The following PEAK1 variants were observed in gnomAD, a reference collection of about 807,000 sequenced individuals.
PEAK1 encodes pseudopodium enriched atypical kinase 1, also known as inactive tyrosine-protein kinase PEAK1.
Under a neutral mutation model 124.7 loss-of-function variants are expected in PEAK1, and 54 were observed. The ratio of observed to expected loss-of-function variants is 0.43; its 90% CI spans 0.35 to 0.54. PEAK1 has a LOEUF of 0.54. Ranked by LOEUF, PEAK1 falls within the 20% of genes least tolerant of loss-of-function variation. The probability of loss-of-function intolerance (pLI) is 0.01; values close to 1 mark genes in which losing one functional copy is unlikely to be tolerated. For synonymous variants in PEAK1, 719 were observed against 760.0 expected, an observed-to-expected ratio of 0.95 and a Z score of 0.89; for missense variants, 2,046 against 2,134.5, an observed-to-expected ratio of 0.96 and a Z score of 0.82.
chr15:77,282,387 T>C (rs1406353501), intron 5 of PEAK1, among the ~76,000 whole-genome samples: 1 of 152,226 alleles, frequency 6.6e-6, no homozygotes, highest in East Asian at 1.9e-4. Flanking sequence ...AACGAATTTG[T>C]CAACATGACT....
intron 9 of PEAK1, among the ~76,000 whole-genome samples, chr15:77,131,995 T>A (rs1363000965): frequency 2.0e-5 from 3 of 151,822 alleles, no homozygotes; most frequent in African/African-American, 4.8e-5. Flanking sequence ...CACTCCAGCC[T>A]AAAAAAAAGA....
chr15:77,139,410 T>C (rs989645603), intron 8 of PEAK1, among the ~76,000 whole-genome samples: 4 of 152,226 alleles, frequency 2.6e-5, no homozygotes, highest in African/African-American at 9.6e-5. Context: ...CCAAGTATTA[T>C]GTACTATACA....
At chr15:77,302,849 ATATCT>A (rs2063862121) in intron 2 of PEAK1, among the ~76,000 whole-genome samples, 1 of 152,176 alleles carries the variant, frequency 6.6e-6, no homozygotes, top group Admixed American at 6.5e-5. Flanking sequence ...CAAATGCTTA[ATATCT>A]TATATTCATC....
intron 9 of PEAK1, among the ~76,000 whole-genome samples, chr15:77,117,552 G>A (rs77952682): frequency 0.19 from 28,971 of 152,158 alleles, 3,413 homozygotes; most frequent in Non-Finnish European, 0.25. Context: ...CAGAAAAATA[G>A]ATCTTTATTT....
chr15:77,367,102 C>A lies in PEAK1; in HGVS notation c.-665-1877G>T, dbSNP rs540140544. 2.1e-4 allele frequency among the ~76,000 whole-genome samples: 32 copies of A among 152,282 alleles called. No individual in the cohort carries two copies. The East Asian group carries it at 6.2e-3, about 29-fold the overall frequency. ...TGAGCCGAGATCATGCCACTGTACT[C>A]CAGCCTGGCGACCGGGCGAGACTCC... On this transcript the variant is annotated intron_variant, in intron 1 of 9. Transcript: ENST00000682557.
At chr15:77,259,028 T>C (rs2061311434) in intron 5 of PEAK1, among the ~76,000 whole-genome samples, 2 of 152,214 alleles carry the variant, frequency 1.3e-5, no homozygotes, top group Admixed American at 1.3e-4. Flanking sequence ...TGGATTACAT[T>C]TATTGATTTG....
intron 2 of PEAK1, among the ~76,000 whole-genome samples, chr15:77,314,218 T>C (rs912940950): frequency 1.3e-5 from 2 of 152,080 alleles, no homozygotes; most frequent in African/African-American, 4.8e-5. Context: ...TGATAAAATG[T>C]AAATTTGTTG....
intron 2 of PEAK1, chr15:77,337,141 G>T: frequency 1.0e-6 from 1 of 985,144 alleles, no homozygotes; most frequent in Non-Finnish European, 1.2e-6. Flanking sequence ...ACAGTAAGAA[G>T]CATCATTATA....
At chr15:77,139,864 G>A (rs1186888855) in intron 8 of PEAK1, among the ~76,000 whole-genome samples, 2 of 151,834 alleles carry the variant, frequency 1.3e-5, no homozygotes, top group Non-Finnish European at 2.9e-5. Context: ...GAGGGAGGGA[G>A]GGGGAGAGAG....
rs960172583 is a variant in PEAK1 at position 77,110,845 on chromosome 15, T to C, written c.*3311A>G. Reference sequence around the variant, plus strand: ...ATGAATTGGCTTCTAGGCAACCCAGTAGTGTACATATACCAAAAGGGCTCA... The same window carrying C: ...ATGAATTGGCTTCTAGGCAACCCAGCAGTGTACATATACCAAAAGGGCTCA... On this transcript the variant is annotated 3_prime_UTR_variant, in exon 10 of 10. Coordinates refer to ENST00000682557, the MANE Select transcript of PEAK1 (RefSeq NM_001385026.1). 1.1e-4 allele frequency: 17 copies of C among 152,252 alleles called. No individual in the cohort carries two copies. The highest frequency in any genetic ancestry group is 4.1e-4 in the African/African-American group (17 of 41,472). The allele number at this position is 152,252 out of a possible 1,614,324, so 9.4% of individuals were successfully genotyped here.
At chr15:77,171,260 C>T (rs532131951) in intron 7 of PEAK1, among the ~76,000 whole-genome samples, 24 of 152,216 alleles carry the variant, frequency 1.6e-4, no homozygotes, top group Non-Finnish European at 2.8e-4. Context: ...TTGAGAATCA[C>T]ATGGACTCCT....
intron 1 of PEAK1, among the ~76,000 whole-genome samples, chr15:77,382,676 T>C (rs1045899651): frequency 6.6e-6 from 1 of 152,198 alleles, no homozygotes; most frequent in Admixed American, 6.5e-5. Context: ...GTGTTCCTCC[T>C]AGAGCAGAGT....
rs886785643 is a variant in PEAK1, at chr15:77,111,058, G to A, written c.*3098C>T. 2.0e-5 allele frequency: 3 copies of A among 152,210 alleles called. No individual in the cohort carries two copies. Among genetic ancestry groups the A allele is most frequent in the Non-Finnish European group, 4.4e-5 (3 of 68,040 alleles). The allele number at this position is 152,210 out of a possible 1,614,324, so 9.4% of individuals were successfully genotyped here. ...TGTCACAGAGATTGTTCATGCTCAT[G>A]TGGCTTAAGGAAAAGTTCCAATAGG... On this transcript the variant is annotated 3_prime_UTR_variant, in exon 10 of 10. Transcript: ENST00000682557.
chr15:77,333,543 A>T, intron 2 of PEAK1: 1 of 871,014 alleles, frequency 1.1e-6, no homozygotes, highest in Non-Finnish European at 1.4e-6. Context: ...ATATTTACAC[A>T]CACACATTTC....
chr15:77,319,714 T>A (rs1429474102), intron 2 of PEAK1, among the ~76,000 whole-genome samples: 2 of 152,178 alleles, frequency 1.3e-5, no homozygotes, highest in Non-Finnish European at 1.5e-5. Context: ...TTTTCTAATT[T>A]TGTGCACCAT....
intron 8 of PEAK1, among the ~76,000 whole-genome samples, chr15:77,153,158 A>C (rs1313752852): frequency 6.6e-6 from 1 of 152,168 alleles, no homozygotes; most frequent in Admixed American, 6.5e-5. Flanking sequence ...TTATTGCCAC[A>C]ATTTCAGAGC....
intron 8 of PEAK1, among the ~76,000 whole-genome samples, chr15:77,151,231 T>A (rs1217011318): frequency 6.6e-6 from 1 of 150,984 alleles, no homozygotes; most frequent in Non-Finnish European, 1.5e-5. Context: ...GGTATCTCAT[T>A]GCAGTTTTGA....
intron 2 of PEAK1, chr15:77,349,894 A>G (rs988033461): frequency 7.1e-6 from 7 of 985,060 alleles, no homozygotes; most frequent in Middle Eastern, 5.2e-4. Flanking sequence ...TCTAAAAAAC[A>G]GACACATTTA....
intron 2 of PEAK1, chr15:77,355,959 C>T (rs2067491956): frequency 1.0e-6 from 1 of 981,476 alleles, no homozygotes. Context: ...AGACAAGAGG[C>T]AGTCCAGCAA....
Sources: allele counts gnomAD v4.1 joint callset (sites outside exome capture counted in the v4.1 genomes callset), GRCh38; gene constraint gnomAD v4.1.1; transcripts MANE v1.5; gene names NCBI Gene and HGNC (gene_info 2026-07-23, HGNC 2026-07-21).